GRID2: variants seen among roughly 807,000 people sequenced by gnomAD.
GRID2 encodes the protein glutamate ionotropic receptor delta type subunit 2.
A neutral mutation model predicts 114.8 loss-of-function variants in GRID2; 33 were observed. The observed-to-expected ratio is 0.29, with a 90% CI of 0.22 to 0.38. GRID2 has a LOEUF of 0.38. GRID2 is among the 10% of genes least tolerant of loss of function. The probability of loss-of-function intolerance (pLI) is 1.00; values close to 1 mark genes in which losing one functional copy is unlikely to be tolerated. For missense variants in GRID2, 1,184 were observed against 1,257.7 expected (o/e 0.94, Z 0.89); for synonymous variants, 505 against 449.9 (o/e 1.12, Z -1.55).
intron 1 of GRID2, among the ~76,000 whole-genome samples, chr4:92,329,070 G>A (rs1005884462): frequency 3.3e-5 from 5 of 152,088 alleles, no homozygotes; most frequent in South Asian, 2.1e-4. Flanking sequence ...GTGTGCACAC[G>A]TGCATGCTAA....
At chr4:92,605,243 T>C (rs1729399103) in intron 2 of GRID2, among the ~76,000 whole-genome samples, 1 of 152,114 alleles carries the variant, frequency 6.6e-6, no homozygotes, top group Admixed American at 6.6e-5. Flanking sequence ...GCTTAATGCT[T>C]AAATAAGAGA....
intron 1 of GRID2, among the ~76,000 whole-genome samples, chr4:92,387,767 C>T (rs999375949): frequency 2.0e-5 from 3 of 151,938 alleles, no homozygotes; most frequent in African/African-American, 7.2e-5. Context: ...TAGAAGGGGC[C>T]TTCCTAAAAT....
chr4:92,533,632 A>T (rs1266889758), intron 1 of GRID2, among the ~76,000 whole-genome samples: 1 of 152,140 alleles, frequency 6.6e-6, no homozygotes, highest in Admixed American at 6.6e-5. Flanking sequence ...TTTTGTTGTC[A>T]AGTCTGAGGA....
intron 2 of GRID2, among the ~76,000 whole-genome samples, chr4:92,761,521 G>A (rs991273419): frequency 3.9e-5 from 6 of 152,130 alleles, no homozygotes; most frequent in African/African-American, 1.4e-4. Flanking sequence ...GTTATTTGAG[G>A]TCAAAAGTGA....
In GRID2 at chr4:93,244,518, AATTAATAGAT is replaced by A. The variant is rs1561035532; in HGVS notation, c.1245+6029_1245+6038del. Among the ~76,000 whole-genome samples the A allele has an allele frequency of 3.5e-4, 17 of 48,646 alleles. 1 individual carries two copies. The highest frequency in any genetic ancestry group is 7.9e-4 in the African/African-American group (10 of 12,586). The allele number at this position is 48,646 out of a possible 152,430, so 31.9% of individuals were successfully genotyped here. A position where few individuals can be genotyped will look rare whatever the true frequency, so the allele number is the denominator to read the frequency against. On this transcript the variant is annotated intron_variant, in intron 8 of 15. Transcript: ENST00000282020. ...TAATTAATAGATTATATAATCTATTAATTAATAGATTATATAATCTATTAATTAATAGATT... is the reference window on the plus strand; with the variant it reads ...TAATTAATAGATTATATAATCTATTATATATAATCTATTAATTAATAGATT...
At chr4:92,922,921 A>T (rs185809181) in intron 2 of GRID2, among the ~76,000 whole-genome samples, 1 of 152,336 alleles carries the variant, frequency 6.6e-6, no homozygotes. Context: ...GACACAACGG[A>T]GGCTCTAGGA....
At chr4:93,105,954 T>C (rs913097557) in intron 3 of GRID2, among the ~76,000 whole-genome samples, 4 of 152,176 alleles carry the variant, frequency 2.6e-5, no homozygotes, top group African/African-American at 7.2e-5. Flanking sequence ...GGGATTAACA[T>C]GTGAGCATTT....
intron 2 of GRID2, among the ~76,000 whole-genome samples, chr4:92,615,386 G>C (rs1042900321): frequency 6.6e-6 from 1 of 151,384 alleles, no homozygotes; most frequent in Non-Finnish European, 1.5e-5. Context: ...TGAAGCTTAG[G>C]GCTTCAACAT....
At chr4:93,327,738 G>C (rs1327549287) in intron 8 of GRID2, among the ~76,000 whole-genome samples, 1 of 151,310 alleles carries the variant, frequency 6.6e-6, no homozygotes, top group Non-Finnish European at 1.5e-5. Flanking sequence ...GACTGGAAGG[G>C]TGGGGGTCAA....
chr4:92,911,132 TAGTA>T (rs1748345608), intron 2 of GRID2, among the ~76,000 whole-genome samples: 1 of 152,078 alleles, frequency 6.6e-6, no homozygotes, highest in Middle Eastern at 3.2e-3. Context: ...TTCATCCACA[TAGTA>T]AGTAATTTTT....
intron 1 of GRID2, among the ~76,000 whole-genome samples, chr4:92,502,570 A>G (rs1273809307): frequency 6.6e-6 from 1 of 152,074 alleles, no homozygotes; most frequent in Non-Finnish European, 1.5e-5. Context: ...GTTTTTATGT[A>G]AGTGTTTTTA....
chr4:92,755,062 G>C (rs900139894), intron 2 of GRID2, among the ~76,000 whole-genome samples: 1 of 152,144 alleles, frequency 6.6e-6, no homozygotes, highest in African/African-American at 2.4e-5. Flanking sequence ...GTGACAGGAG[G>C]CTGTGTCTAA....
intron 2 of GRID2, among the ~76,000 whole-genome samples, chr4:92,685,438 C>A (rs1733852207): frequency 6.6e-6 from 1 of 151,940 alleles, no homozygotes; most frequent in East Asian, 1.9e-4. Flanking sequence ...GTGCTGGAAT[C>A]CTGACAGATG....
chr4:92,709,509 G>T (rs1274827846), intron 2 of GRID2, among the ~76,000 whole-genome samples: 5 of 146,402 alleles, frequency 3.4e-5, no homozygotes, highest in African/African-American at 1.3e-4. Flanking sequence ...AGGAACGTTT[G>T]TGTCTGGCAA....
chr4:92,776,509 A>G (rs1738802490), intron 2 of GRID2, among the ~76,000 whole-genome samples: 1 of 152,112 alleles, frequency 6.6e-6, no homozygotes, highest in South Asian at 2.1e-4. Flanking sequence ...TATGTGTGTG[A>G]GGGTGTGTGT....
At chr4:93,656,239 A>G (rs1270157898) in intron 14 of GRID2, among the ~76,000 whole-genome samples, 4 of 152,030 alleles carry the variant, frequency 2.6e-5, no homozygotes, top group South Asian at 2.1e-4. Context: ...TATTTAATGT[A>G]TTAGAACAGA....
chr4:93,146,864 A>C (rs2149392573), intron 4 of GRID2, among the ~76,000 whole-genome samples: 1 of 152,286 alleles, frequency 6.6e-6, no homozygotes, highest in East Asian at 1.9e-4. Flanking sequence ...CTCACTTAAA[A>C]AATATTGAGT....
At chr4:92,815,693 G>T (rs1304814305) in intron 2 of GRID2, among the ~76,000 whole-genome samples, 2 of 150,808 alleles carry the variant, frequency 1.3e-5, no homozygotes, top group Admixed American at 6.6e-5. Flanking sequence ...CAGGGGGATT[G>T]CTTGAGCAAA....
At chr4:92,553,674 G>A (rs538027902) in intron 1 of GRID2, among the ~76,000 whole-genome samples, 65 of 149,490 alleles carry the variant, frequency 4.3e-4, no homozygotes, top group Non-Finnish European at 8.3e-4. Flanking sequence ...TTTATTTTTA[G>A]ACAGTCTCTC....
Sources: gnomAD v4.1 joint callset for allele counts (sites outside exome capture counted in the v4.1 genomes callset) on GRCh38, gnomAD v4.1.1 for gene constraint, MANE v1.5 for transcripts, NCBI Gene and HGNC (gene_info 2026-07-23, HGNC 2026-07-21) for gene names.